ARCN1: variants seen among roughly 807,000 people sequenced by gnomAD.
The protein encoded by ARCN1 is archain 1 coat protein complex I subunit delta.
ARCN1 carries 5 observed loss-of-function variants against 60.4 expected under a neutral mutation model. The ratio of observed to expected loss-of-function variants is 0.08; its 90% CI spans 0.04 to 0.17. The LOEUF (loss-of-function observed/expected upper bound fraction) is 0.17. Among genes scored for constraint, ARCN1 ranks in the 10% least tolerant of loss-of-function variants. ARCN1 has a pLI of 1.00. For missense variants in ARCN1, 464 were observed against 626.5 expected (o/e 0.74, Z 2.77); for synonymous variants, 224 against 220.0 (o/e 1.02, Z -0.16).
intron 2 of ARCN1, among the ~76,000 whole-genome samples, chr11:118,581,919 G>GAGACAGAC (rs1206415299): frequency 1.6e-5 from 2 of 123,414 alleles, no homozygotes; most frequent in African/African-American, 5.4e-5. Context: ...TACTGATCCA[G>GAGACAGAC]AGACAGACAG....
intron 6 of ARCN1, 63 bp from the exon 7 acceptor site, chr11:118,592,646 C>G: frequency 2.2e-6 from 3 of 1,381,824 alleles, no homozygotes; most frequent in Non-Finnish European, 3.0e-6. Context: ...CCATATAAGC[C>G]TAGTGAGGGG....
chr11:118,585,381 A>C (rs899117379), intron 5 of ARCN1, among the ~76,000 whole-genome samples: 3 of 152,210 alleles, frequency 2.0e-5, no homozygotes, highest in African/African-American at 7.2e-5. Context: ...TATATAGCGT[A>C]TCTCTTAGAA....
chr11:118,595,131 G>T (rs1261482778), intron 8 of ARCN1, among the ~76,000 whole-genome samples: 2 of 152,234 alleles, frequency 1.3e-5, no homozygotes, highest in South Asian at 2.1e-4. Flanking sequence ...GATTACAGGC[G>T]TGAGCCACTG....
Position 118,572,438 on chromosome 11 carries a change from T to G in ARCN1, c.-110T>G, listed in dbSNP as rs1938363078. 1 of 1,046,322 alleles carries G rather than the reference T, an allele frequency of 9.6e-7. No individual in the cohort carries two copies. The highest frequency in any genetic ancestry group is 1.3e-6 in the Non-Finnish European group (1 of 772,204). The allele number at this position is 1,046,322 out of a possible 1,614,324, so 64.8% of individuals were successfully genotyped here. ...TGGCAAGAGGCGAAGCGGCAGCGGT[T>G]CCTGTCAAGGGGGCAGCAGGTCCAG... On this transcript the variant is annotated 5_prime_UTR_variant, in exon 1 of 10. Transcript: ENST00000264028.
intron 8 of ARCN1, among the ~76,000 whole-genome samples, chr11:118,594,455 T>C (rs1435174647): frequency 6.6e-6 from 1 of 152,116 alleles, no homozygotes; most frequent in Non-Finnish European, 1.5e-5. Flanking sequence ...CTTGTTGAAA[T>C]ACATTGAGCA....
At chr11:118,600,526 C>A in intron 9 of ARCN1, 99 bp from the exon 10 acceptor site, 1 of 750,204 alleles carries the variant, frequency 1.3e-6, no homozygotes, top group Non-Finnish European at 2.1e-6. Flanking sequence ...CTTTTAATAC[C>A]GCTTTTAGGG....
In ARCN1 at chr11:118,581,552, C is replaced by T. The variant is rs1555074645; in HGVS notation, c.267+43C>T. 1.9e-6 allele frequency: 3 copies of T among 1,560,192 alleles called. No homozygotes were observed. The African/African-American group carries it at 4.1e-5, about 21-fold the overall frequency. On this transcript the variant is annotated intron_variant, in intron 2 of 9. Transcript: ENST00000264028. ...ATACTGGGTTCCACTTTTTGTTTTACATTTTATGTGAAACTAGTTTTTCCT... is the reference window on the plus strand; with the variant it reads ...ATACTGGGTTCCACTTTTTGTTTTATATTTTATGTGAAACTAGTTTTTCCT...
At chr11:118,575,767 CT>C (rs1555073418) in intron 1 of ARCN1, among the ~76,000 whole-genome samples, 1 of 152,054 alleles carries the variant, frequency 6.6e-6, no homozygotes. Context: ...AAGAACTTGA[CT>C]TTTTTTGAGA....
In ARCN1 at chr11:118,584,627, A is replaced by G; in HGVS notation, c.801A>G (p.Pro267=). 4 of 1,606,182 alleles carry G rather than the reference A, an allele frequency of 2.5e-6. No individual in the cohort carries two copies. The East Asian group carries it at 9.0e-5, about 36-fold the overall frequency. The change falls in exon 5 of 10, where the codon CCA becomes CCG. Residue 267 remains proline, a synonymous_variant. Transcript: ENST00000264028. The stretch of plus-strand genomic sequence containing the variant: ...CTGAAGCAACCAAAATGCATGCTCC[A>G]CCCATTAATATGGAAAGGTAAGTAG... ...RTSEATKMHA[P]PINMESVHMK... is the part of the protein sequence containing the mutation.
rs147950670 is a variant in ARCN1 at position 118,584,596 on chromosome 11, G to C, written c.770G>C (p.Arg257Pro). ...ETIMSSSMGK[R>P]TSEATKMHAP... ...ATCATGTCCTCTAGTATGGGCAAGCGTACTTCTGAAGCAACCAAAATGCAT... is the reference window on the plus strand; with the variant it reads ...ATCATGTCCTCTAGTATGGGCAAGCCTACTTCTGAAGCAACCAAAATGCAT... The change falls in exon 5 of 10, where the codon CGT (arginine) becomes CCT (proline). Residue 257 changes from arginine to proline, a missense_variant. By Grantham distance (103) the Arg-to-Pro change is moderately radical (BLOSUM62 -2). Transcript: ENST00000264028. The C allele has an allele frequency of 2.5e-6, 4 of 1,612,546 alleles. No homozygotes were observed. The highest frequency in any genetic ancestry group is 3.4e-6 in the Non-Finnish European group (4 of 1,179,618).
chr11:118,581,125 T>C (rs781956765), intron 1 of ARCN1, 121 bp from the exon 2 acceptor site: 27 of 1,309,222 alleles, frequency 2.1e-5, no homozygotes, highest in Non-Finnish European at 2.8e-5. Flanking sequence ...GTCTTAAAAA[T>C]AATACTACTA....
At chr11:118,586,915 G>C (rs17092756) in intron 5 of ARCN1, among the ~76,000 whole-genome samples, 25,002 of 150,702 alleles carry the variant, frequency 0.17, 2,617 homozygotes, top group East Asian at 0.53. Flanking sequence ...TTGAGACACT[G>C]TTTTTTTCTA....
rs1237232646 is a variant in ARCN1, at chr11:118,600,757, AAAG to A, written c.*48_*50del. 7.3e-7 allele frequency: 1 copy of A among 1,368,500 alleles called. No individual in the cohort carries two copies. The highest frequency in any genetic ancestry group is 1.0e-6 in the Non-Finnish European group (1 of 976,808). 84.8% of individuals were successfully genotyped at this position (1,368,500 alleles called of 1,614,324 possible). On this transcript the variant is annotated 3_prime_UTR_variant, in exon 10 of 10. Coordinates refer to ENST00000264028, the MANE Select transcript of ARCN1 (RefSeq NM_001655.5). ...TGAAAAGGAAAATTTTCAGATTAAT[AAAG>A]AAGACGCCAATGATGGCTGAAGAGT...
At position 118,576,501 on chromosome 11, in the gene ARCN1, C is replaced by A. The variant is rs151106341; in HGVS notation, c.3+3951C>A. On this transcript the variant is annotated intron_variant, in intron 1 of 9. Coordinates refer to ENST00000264028, the MANE Select transcript of ARCN1 (RefSeq NM_001655.5). ...AATTCTTCCTCAGAGAAAATCAGAT[C>A]AAATTTCAATAGGGAAAATTGTTAA... is the stretch of plus-strand genomic sequence containing the variant. Among the ~76,000 whole-genome samples, 1,150 of 146,258 alleles carry A rather than the reference C, an allele frequency of 7.9e-3. 15 individuals carry two copies. The highest frequency in any genetic ancestry group is 0.028 in the African/African-American group (1,089 of 39,568).
chr11:118,594,659 C>T (rs1402687694), intron 8 of ARCN1, among the ~76,000 whole-genome samples: 1 of 152,184 alleles, frequency 6.6e-6, no homozygotes, highest in African/African-American at 2.4e-5. Context: ...AAGTGATTCT[C>T]CTGCCTCAGC....
At chr11:118,597,602 C>T in intron 8 of ARCN1, 105 bp from the exon 9 acceptor site, 2 of 1,329,374 alleles carry the variant, frequency 1.5e-6, no homozygotes, top group South Asian at 2.8e-5. Flanking sequence ...AATTGTAGTC[C>T]TAGAAGGCAA....
chr11:118,573,210 C>A (rs530860683), intron 1 of ARCN1, among the ~76,000 whole-genome samples: 2 of 152,048 alleles, frequency 1.3e-5, no homozygotes, highest in African/African-American at 2.4e-5. Flanking sequence ...CTGTGTAGAC[C>A]ACTGGGAAAA....
intron 5 of ARCN1, among the ~76,000 whole-genome samples, chr11:118,585,548 T>G (rs1372976303): frequency 6.6e-6 from 1 of 152,112 alleles, no homozygotes; most frequent in Non-Finnish European, 1.5e-5. Context: ...TTTTATTTAT[T>G]TATTTTTTTG....
At chr11:118,599,276 A>G (rs1939099224) in intron 9 of ARCN1, among the ~76,000 whole-genome samples, 1 of 151,226 alleles carries the variant, frequency 6.6e-6, no homozygotes, top group Non-Finnish European at 1.5e-5. Flanking sequence ...TATTTTTAGT[A>G]AAGACGGTAT....
Sources: allele counts gnomAD v4.1 joint callset (sites outside exome capture counted in the v4.1 genomes callset), GRCh38; gene constraint gnomAD v4.1.1; transcripts MANE v1.5; gene names NCBI Gene and HGNC (gene_info 2026-07-23, HGNC 2026-07-21).